The following COL25A1 variants were observed in gnomAD, a reference collection of about 807,000 sequenced individuals.
COL25A1 encodes collagen alpha-1(XXV) chain.
Under a neutral mutation model 128.4 loss-of-function variants are expected in COL25A1, and 103 were observed. That is an observed-to-expected ratio of 0.80 (90% confidence interval 0.68 to 0.94). The LOEUF (loss-of-function observed/expected upper bound fraction) is 0.94, where lower values mean the gene tolerates loss of function less well. COL25A1 is among the 40% of genes least tolerant of loss of function. The pLI is 0.00. For synonymous variants in COL25A1, 279 were observed against 277.2 expected, an observed-to-expected ratio of 1.01 and a Z score of -0.06; for missense variants, 745 against 840.0, an observed-to-expected ratio of 0.89 and a Z score of 1.40.
At chr4:109,132,357 G>T (rs753997900) in intron 3 of COL25A1, among the ~76,000 whole-genome samples, 1 of 152,022 alleles carries the variant, frequency 6.6e-6, no homozygotes, top group Non-Finnish European at 1.5e-5. Context: ...CTTCCCATAC[G>T]CTTTCTAGAA....
chr4:109,115,447 T>C (rs1251257607), intron 3 of COL25A1, among the ~76,000 whole-genome samples: 1 of 152,082 alleles, frequency 6.6e-6, no homozygotes, highest in Non-Finnish European at 1.5e-5. Flanking sequence ...AGGGCCGACA[T>C]TAAGTCAGGG....
At chr4:109,159,143 AGAG>A (rs2126114778) in intron 3 of COL25A1, among the ~76,000 whole-genome samples, 1 of 151,914 alleles carries the variant, frequency 6.6e-6, no homozygotes, top group South Asian at 2.1e-4. Context: ...GCTTCAAAGT[AGAG>A]AAGAAGATAA....
At chr4:109,234,852 A>T (rs967717918) in intron 3 of COL25A1, among the ~76,000 whole-genome samples, 5 of 152,050 alleles carry the variant, frequency 3.3e-5, no homozygotes, top group Admixed American at 3.3e-4. Flanking sequence ...AACCTTAAAT[A>T]CCAGTAGCCT....
At chr4:109,039,189 C>T (rs149580662) in intron 5 of COL25A1, among the ~76,000 whole-genome samples, 306 of 152,194 alleles carry the variant, frequency 2.0e-3, no homozygotes, top group African/African-American at 7.0e-3. Context: ...TCCCATTTGT[C>T]CTCCTCCTTG....
intron 5 of COL25A1, among the ~76,000 whole-genome samples, chr4:109,019,909 A>G (rs1195924191): frequency 6.6e-6 from 1 of 152,174 alleles, no homozygotes; most frequent in East Asian, 1.9e-4. Flanking sequence ...TTCTAGTTTG[A>G]TTTGGTCTCC....
At chr4:109,205,221 T>C (rs993646006) in intron 3 of COL25A1, among the ~76,000 whole-genome samples, 2 of 152,206 alleles carry the variant, frequency 1.3e-5, no homozygotes, top group African/African-American at 4.8e-5. Context: ...ATAGAGTTGA[T>C]ACATATCTTA....
chr4:109,223,178 T>C (rs1295008214), intron 3 of COL25A1, among the ~76,000 whole-genome samples: 1 of 152,198 alleles, frequency 6.6e-6, no homozygotes, highest in East Asian at 1.9e-4. Flanking sequence ...TTTAGAGAAA[T>C]GAAAATTTAA....
intron 6 of COL25A1, among the ~76,000 whole-genome samples, chr4:109,004,413 TTA>T (rs200186445): frequency 0.015 from 1,329 of 87,972 alleles, 23 homozygotes; most frequent in East Asian, 0.095. Context: ...TTTTTTTTTT[TTA>T]ACTCTCTAAG....
intron 3 of COL25A1, among the ~76,000 whole-genome samples, chr4:109,117,197 T>G (rs1767677305): frequency 6.6e-6 from 1 of 151,940 alleles, no homozygotes; most frequent in African/African-American, 2.4e-5. Flanking sequence ...TAGGTATACA[T>G]ATCACATTCA....
At chr4:109,057,803 T>C (rs773279389) in intron 3 of COL25A1, among the ~76,000 whole-genome samples, 3 of 152,176 alleles carry the variant, frequency 2.0e-5, no homozygotes, top group Non-Finnish European at 4.4e-5. Flanking sequence ...AGTTTAGTTC[T>C]TTCTGGTGCC....
chr4:109,074,958 A>T (rs975458612), intron 3 of COL25A1, among the ~76,000 whole-genome samples: 2 of 152,184 alleles, frequency 1.3e-5, no homozygotes, highest in South Asian at 4.1e-4. Flanking sequence ...CCAAAACACA[A>T]TGCTAAAGTT....
At chr4:108,869,820 C>T (rs764401046) in intron 19 of COL25A1, among the ~76,000 whole-genome samples, 2 of 151,876 alleles carry the variant, frequency 1.3e-5, no homozygotes, top group African/African-American at 2.4e-5. Flanking sequence ...TGTTTTTTCC[C>T]CTCTTGGATG....
intron 6 of COL25A1, among the ~76,000 whole-genome samples, chr4:109,004,767 A>G (rs895770097): frequency 3.9e-5 from 6 of 152,148 alleles, no homozygotes; most frequent in Non-Finnish European, 1.5e-5. Flanking sequence ...CTAGAAGCTG[A>G]GCAGATGCCA....
At chr4:109,153,607 G>A (rs891396536) in intron 3 of COL25A1, among the ~76,000 whole-genome samples, 7 of 151,968 alleles carry the variant, frequency 4.6e-5, no homozygotes, top group African/African-American at 1.2e-4. Flanking sequence ...AACAACAAAC[G>A]CCTTGATCGA....
intron 3 of COL25A1, among the ~76,000 whole-genome samples, chr4:109,223,406 C>A (rs750593998): frequency 3.9e-5 from 6 of 151,910 alleles, no homozygotes; most frequent in African/African-American, 9.7e-5. Context: ...TTTCCCCCCC[C>A]CAAAAAAAAC....
intron 19 of COL25A1, among the ~76,000 whole-genome samples, chr4:108,883,138 T>C (rs1740330898): frequency 6.6e-6 from 1 of 152,036 alleles, no homozygotes; most frequent in South Asian, 2.1e-4. Flanking sequence ...ACCTCCCGGG[T>C]TCAAGAGAGC....
chr4:108,996,435 A>G (rs1656499999), intron 6 of COL25A1, among the ~76,000 whole-genome samples: 1 of 152,302 alleles, frequency 6.6e-6, no homozygotes, highest in East Asian at 1.9e-4. Flanking sequence ...TCCTAAACAT[A>G]TATGCACCCA....
chr4:109,028,774 C>T (rs994146261), intron 5 of COL25A1, among the ~76,000 whole-genome samples: 26 of 151,796 alleles, frequency 1.7e-4, no homozygotes, highest in African/African-American at 6.0e-4. Context: ...AAAGGACTAG[C>T]TAGCAAGGGA....
chr4:109,034,305 T>C (rs1759138450), intron 5 of COL25A1, among the ~76,000 whole-genome samples: 1 of 152,154 alleles, frequency 6.6e-6, no homozygotes, highest in Admixed American at 6.5e-5. Context: ...AAAATGTCAT[T>C]TCTGGAAAAT....
Sources: allele counts gnomAD v4.1 joint callset (sites outside exome capture counted in the v4.1 genomes callset), GRCh38; gene constraint gnomAD v4.1.1; transcripts MANE v1.5; gene names NCBI Gene and HGNC (gene_info 2026-07-23, HGNC 2026-07-21).